Variants in GREB1 observed in about 807,000 individuals in gnomAD.
GREB1 encodes the protein growth regulating estrogen receptor binding 1.
A neutral mutation model predicts 200.7 loss-of-function variants in GREB1; 106 were observed. That is an observed-to-expected ratio of 0.53 (90% confidence interval 0.45 to 0.62). The LOEUF is 0.62. Ranked by LOEUF, GREB1 falls within the 20% of genes least tolerant of loss-of-function variation. The probability of loss-of-function intolerance (pLI) is 0.00; values close to 1 mark genes in which losing one functional copy is unlikely to be tolerated. For missense variants in GREB1, 2,243 were observed against 2,556.8 expected, an observed-to-expected ratio of 0.88 and a Z score of 2.65; for synonymous variants, 1,132 against 1,092.4, an observed-to-expected ratio of 1.04 and a Z score of -0.72.
intron 31 of GREB1, among the ~76,000 whole-genome samples, chr2:11,638,128 TTTTGTTTG>T (rs376136406): frequency 2.6e-5 from 4 of 152,242 alleles, no homozygotes; most frequent in East Asian, 1.9e-4. Flanking sequence ...ATGCCCAAAC[TTTTGTTTG>T]TTTGTTTGTT....
intron 4 of GREB1, 71 bp downstream of exon 4, chr2:11,566,727 C>CG: frequency 2.9e-6 from 4 of 1,390,840 alleles, no homozygotes; most frequent in East Asian, 4.8e-5. Context: ...GAGGTCACGG[C>CG]GGGGGGTGGT....
chr2:11,605,265 G>A (rs766017858), intron 17 of GREB1, among the ~76,000 whole-genome samples: 5 of 145,846 alleles, frequency 3.4e-5, no homozygotes, highest in African/African-American at 5.1e-5. Context: ...TCACTCTGTC[G>A]CCCAGGCTGA....
Position 11,597,851 on chromosome 2 carries a change from G to A in GREB1, c.2025G>A (p.Val675=), listed in dbSNP as rs573782674. 22 of 1,614,182 alleles carry A rather than the reference G, an allele frequency of 1.4e-5. No homozygotes were observed. The African/African-American group carries it at 1.5e-4, about 11-fold the overall frequency. Residue 675 remains valine (V), a synonymous_variant, in exon 14 of 33, where the codon GTG becomes GTA. Coordinates refer to ENST00000381486, the MANE Select transcript of GREB1 (RefSeq NM_014668.4). The surrounding 1 kb of genome is among the most constrained non-coding windows in gnomAD (Gnocchi z 4.1). ...LAVAQKLLSH[V]CSIADSSTQN... ...TAGCGCAGAAGCTCCTCTCCCATGTGTGTTCCATTGCGGATTCCAGCACCC... is the reference window on the plus strand; with the variant it reads ...TAGCGCAGAAGCTCCTCTCCCATGTATGTTCCATTGCGGATTCCAGCACCC...
intron 23 of GREB1, among the ~76,000 whole-genome samples, 171 bp from the exon 24 acceptor site, chr2:11,624,983 G>A (rs984200307): frequency 4.6e-5 from 7 of 152,224 alleles, no homozygotes; most frequent in Non-Finnish European, 7.3e-5. Flanking sequence ...CTAGTGTGTA[G>A]CAGGCTGTGC....
chr2:11,527,361 A>G (rs1348220953), intron 1 of GREB1, among the ~76,000 whole-genome samples: 2 of 152,256 alleles, frequency 1.3e-5, no homozygotes, highest in South Asian at 2.1e-4. Flanking sequence ...GTGGGACCTC[A>G]TATAAATGAT....
At chr2:11,573,864 A>G (rs114536221) in intron 4 of GREB1, among the ~76,000 whole-genome samples, 10 of 152,182 alleles carry the variant, frequency 6.6e-5, no homozygotes, top group Non-Finnish European at 1.5e-4. Flanking sequence ...CGTGTTTCTT[A>G]TGGGACAGAG....
chr2:11,522,357 A>G (rs1436130322), intron 1 of GREB1, among the ~76,000 whole-genome samples: 2 of 152,164 alleles, frequency 1.3e-5, no homozygotes, highest in East Asian at 1.9e-4. Flanking sequence ...AAAAATTGCA[A>G]CCTCCAGCAT....
intron 21 of GREB1, among the ~76,000 whole-genome samples, chr2:11,617,288 C>A (rs1439241494): frequency 6.6e-6 from 1 of 152,208 alleles, no homozygotes; most frequent in Non-Finnish European, 1.5e-5. Context: ...AGGGCAGAGC[C>A]CCTGGTGAGA....
intron 21 of GREB1, among the ~76,000 whole-genome samples, chr2:11,617,850 G>A (rs1046056013): frequency 7.9e-5 from 12 of 152,134 alleles, no homozygotes; most frequent in African/African-American, 2.9e-4. Context: ...ATCTGGGGCC[G>A]CCCTTCTTTT....
intron 1 of GREB1, among the ~76,000 whole-genome samples, chr2:11,525,394 G>T (rs1207040303): frequency 6.6e-6 from 1 of 150,724 alleles, no homozygotes; most frequent in Admixed American, 6.7e-5. Flanking sequence ...CTACTTGGAA[G>T]TCTGAGGCAG....
chr2:11,582,200 T>C (rs902344517), intron 7 of GREB1, among the ~76,000 whole-genome samples: 8 of 152,266 alleles, frequency 5.3e-5, no homozygotes, highest in African/African-American at 1.9e-4. Flanking sequence ...AGCAGGGAGA[T>C]GAGGGCCTCC....
At chr2:11,602,378 G>A in intron 16 of GREB1, 28 bp from the exon 17 acceptor site, 1 of 1,608,334 alleles carries the variant, frequency 6.2e-7, no homozygotes, top group Non-Finnish European at 8.5e-7. Context: ...TGCAGTGTTG[G>A]AGTGACCGAC....
chr2:11,592,348 A>T (rs867903506), intron 10 of GREB1, among the ~76,000 whole-genome samples: 2,190 of 140,950 alleles, frequency 0.016, 48 homozygotes, highest in African/African-American at 0.061. Context: ...TTTTTTTTTA[A>T]AAAGAGGACA....
In GREB1 at chr2:11,623,814, G is replaced by A. The variant is rs573089730; in HGVS notation, c.4148-1340G>A. Among the ~76,000 whole-genome samples the A allele has an allele frequency of 5.3e-5, 8 of 152,206 alleles. No homozygotes were observed. The East Asian group carries it at 1.2e-3, about 22-fold the overall frequency. On this transcript the variant is annotated intron_variant, in intron 23 of 32. Coordinates refer to ENST00000381486, the MANE Select transcript of GREB1 (RefSeq NM_014668.4). The stretch of plus-strand genomic sequence containing the variant: ...TGAGGCAGGAGAGTCGCTTGAACCC[G>A]GGAGGCGGAGATTGCAGTGAGCTGA...
At chr2:11,591,017 A>G (rs961901728) in intron 10 of GREB1, among the ~76,000 whole-genome samples, 12 of 152,158 alleles carry the variant, frequency 7.9e-5, no homozygotes, top group African/African-American at 2.4e-4. Flanking sequence ...GATAAAAGTC[A>G]TATTGGAGTG....
chr2:11,619,185 A>T (rs527387687), intron 22 of GREB1, among the ~76,000 whole-genome samples: 1 of 152,166 alleles, frequency 6.6e-6, no homozygotes, highest in Non-Finnish European at 1.5e-5. Context: ...ACGGTTCCTC[A>T]ATCCACATCA....
rs187518025 is a variant in GREB1 at position 11,611,146 on chromosome 2, C to G, written c.3006+119C>G. 4 of 776,826 alleles carry G rather than the reference C, an allele frequency of 5.1e-6. No homozygotes were observed. The East Asian group carries it at 1.1e-4, about 21-fold the overall frequency. The allele number at this position is 776,826 out of a possible 1,614,324, so 48.1% of individuals were successfully genotyped here. On this transcript the variant is annotated intron_variant, in intron 18 of 32. Transcript: ENST00000381486. ...GCGTGGCCAACGTGGCTTCCCTAGA[C>G]CCAGCCACCCCTCAGCCTCCTCTCT...
chr2:11,568,926 C>T (rs538709931), intron 4 of GREB1, among the ~76,000 whole-genome samples: 22 of 152,310 alleles, frequency 1.4e-4, no homozygotes, highest in African/African-American at 4.8e-4. Context: ...AGGTTTCCTG[C>T]AATTAAGTCT....
intron 3 of GREB1, among the ~76,000 whole-genome samples, chr2:11,563,392 AT>A (rs1269127017): frequency 4.6e-5 from 7 of 152,222 alleles, no homozygotes; most frequent in Admixed American, 1.3e-4. Context: ...AGGCCTGGAG[AT>A]GCTGGATGGG....
Sources: gnomAD v4.1 joint callset for allele counts (sites outside exome capture counted in the v4.1 genomes callset) on GRCh38, gnomAD v4.1.1 for gene constraint, Gnocchi (gnomAD v3.1) non-coding constraint, MANE v1.5 for transcripts, NCBI Gene and HGNC (gene_info 2026-07-23, HGNC 2026-07-21) for gene names.